The following BRCA1 variants were observed in gnomAD, a reference collection of about 807,000 sequenced individuals.
The protein encoded by BRCA1 is BRCA1 DNA repair associated.
BRCA1 carries 140 observed loss-of-function variants against 173.7 expected under a neutral mutation model. That is an observed-to-expected ratio of 0.81 (90% CI 0.70 to 0.93). The LOEUF (loss-of-function observed/expected upper bound fraction) is 0.93, where lower values mean the gene tolerates loss of function less well. Ranked by LOEUF, BRCA1 falls within the 40% of genes least tolerant of loss-of-function variation. BRCA1 has a pLI of 0.00. For synonymous variants in BRCA1, 662 were observed against 756.0 expected (o/e 0.88, Z 2.04); for missense variants, 1,983 against 2,172.5 (o/e 0.91, Z 1.73).
rs113046417 is a variant in BRCA1 at position 43,115,968 on chromosome 17, T to A, written c.81-189A>T. Among the ~76,000 whole-genome samples the A allele has an allele frequency of 4.6e-3, 708 of 152,308 alleles. 10 individuals are homozygous for A. Among genetic ancestry groups the A allele is most frequent in the African/African-American group, 0.016 (655 of 41,568 alleles). ...ACTGAGAATACAGCAGAGAATACGA[T>A]CCTTACCTTCAGTGAGCTTTCAGAT... is the stretch of plus-strand genomic sequence containing the variant. On this transcript the variant is annotated intron_variant, in intron 2 of 22. Transcript: ENST00000357654.
intron 12 of BRCA1, 46 bp from the exon 13 acceptor site, chr17:43,076,660 G>A (rs2052750385): frequency 6.2e-7 from 1 of 1,601,604 alleles, no homozygotes; most frequent in East Asian, 2.2e-5. Flanking sequence ...GCTTTGTTCT[G>A]ATAGTGATAA....
At chr17:43,126,233 C>G (rs2055869201), upstream of BRCA1, among the ~76,000 whole-genome samples, 1 of 152,222 alleles carries the variant, frequency 6.6e-6, no homozygotes, top group Admixed American at 6.5e-5. Context: ...TCGGGTTCAG[C>G]TTGCTTTTGC....
Position 43,094,152 on chromosome 17 carries a change from A to G in BRCA1, c.1379T>C (p.Ile460Thr), listed in dbSNP as rs398122634. The change falls in exon 10 of 23, where the codon ATA becomes ACA. Residue 460 changes from isoleucine to threonine, a missense_variant. Transcript: ENST00000357654. ...CTTCTTCCGATAGGTTTTCCCAAATATTTTGTCTTCAATATTACTCTCTAC... is the reference window on the plus strand; with the variant it reads ...CTTCTTCCGATAGGTTTTCCCAAATGTTTTGTCTTCAATATTACTCTCTAC... Reference protein sequence around the residue: ...KSVESNIEDKIFGKTYRKKAS... With the variant: ...KSVESNIEDKTFGKTYRKKAS... 6.2e-7 allele frequency: 1 copy of G among 1,613,994 alleles called. No homozygotes were observed.
Position 43,093,050 on chromosome 17 carries a change from T to C in BRCA1, c.2481A>G (p.Glu827=), listed in dbSNP as rs397508970. The change falls in exon 10 of 23, where the codon GAA becomes GAG. Residue 827 remains glutamate (E), a synonymous_variant. Transcript: ENST00000357654. ...CATGTCCCAATGGATACTTAAAGCCTTCTGTGTCATTTCTATTATCTTTGG... is the reference window on the plus strand; with the variant it reads ...CATGTCCCAATGGATACTTAAAGCCCTCTGTGTCATTTCTATTATCTTTGG... The part of the protein sequence containing the change: ...GCSKDNRNDT[E]GFKYPLGHEV... 6.2e-7 allele frequency: 1 copy of C among 1,613,824 alleles called. No homozygotes were observed. Among genetic ancestry groups the C allele is most frequent in the Non-Finnish European group, 8.5e-7 (1 of 1,180,014 alleles).
intron 3 of BRCA1, chr17:43,110,534 C>T: frequency 2.3e-6 from 1 of 442,948 alleles, no homozygotes; most frequent in Non-Finnish European, 4.5e-6. Flanking sequence ...AACAGTAAGC[C>T]TCATGATCGC....
In BRCA1 at chr17:43,095,316, T is replaced by A. The variant is rs138451202; in HGVS notation, c.671-456A>T. On this transcript the variant is annotated intron_variant, in intron 9 of 22. Transcript: ENST00000357654. ...TAAAGGGCAGGCCAGGCACAGTGGC[T>A]CAAGCCTGTAACTGCAGCACTTTGG... Among the ~76,000 whole-genome samples the A allele has an allele frequency of 1.9e-3, 292 of 152,284 alleles. 3 individuals carry two copies. Among genetic ancestry groups the A allele is most frequent in the African/African-American group, 6.4e-3 (265 of 41,546 alleles).
At position 43,099,843 on chromosome 17, in the gene BRCA1, C is replaced by T. The variant is rs1016051167; in HGVS notation, c.479G>A (p.Gly160Glu). The change falls in exon 7 of 23, where the codon GGA (glycine) becomes GAA (glutamate). Residue 160 changes from glycine to glutamate, a missense_variant. Coordinates refer to ENST00000357654, the MANE Select transcript of BRCA1 (RefSeq NM_007294.4). ...TSLSVQLSNL[G>E]TVRTLRTKQR... ...CTTTGTCCTCAGAGTTCTCACAGTTCCAAGGTTAGAGAGTTGGACACTGAG... is the reference window on the plus strand; with the variant it reads ...CTTTGTCCTCAGAGTTCTCACAGTTTCAAGGTTAGAGAGTTGGACACTGAG... 1 of 1,613,746 alleles carries T rather than the reference C, an allele frequency of 6.2e-7. No individual in the cohort carries two copies. Among genetic ancestry groups the T allele is most frequent in the Non-Finnish European group, 8.5e-7 (1 of 1,179,728 alleles).
chr17:43,100,513 T>C (rs994249168), intron 6 of BRCA1, among the ~76,000 whole-genome samples: 2 of 100,706 alleles, frequency 2.0e-5, no homozygotes, highest in African/African-American at 6.7e-5. Context: ...GGCTAATTTG[T>C]GTGTGTGTGT....
In BRCA1 at chr17:43,138,390, C is replaced by A; in HGVS notation, c.-19-14275G>T. Reference sequence around the variant, plus strand: ...GTCCCAGGTGTTTCTCCAATCAACTCAGGGCATGGTTGTGTGTCACCTGCT... The same window carrying A: ...GTCCCAGGTGTTTCTCCAATCAACTAAGGGCATGGTTGTGTGTCACCTGCT... On this transcript the variant is annotated intron_variant, in intron 1 of 7. Transcript: ENST00000634433. 4 of 528,958 alleles carry A rather than the reference C, an allele frequency of 7.6e-6. No homozygotes were observed. The East Asian group carries it at 1.3e-4, about 18-fold the overall frequency. 32.8% of individuals were successfully genotyped at this position (528,958 alleles called of 1,614,324 possible).
intron 16 of BRCA1, 26 bp downstream of exon 16, chr17:43,067,582 G>A (rs2052152396): frequency 3.2e-6 from 5 of 1,560,674 alleles, no homozygotes; most frequent in Non-Finnish European, 4.4e-6. Context: ...CAGATGCAAG[G>A]TATTCTGTAA....
intron 5 of BRCA1, 36 bp from the exon 6 acceptor site, chr17:43,104,297 T>C (rs1256882250): frequency 6.3e-7 from 1 of 1,596,674 alleles, no homozygotes; most frequent in Admixed American, 1.7e-5. Flanking sequence ...TGTTTGCAGT[T>C]AGAGAAAAAT....
At chr17:43,074,294 CAA>C in intron 14 of BRCA1, 35 bp downstream of exon 14, 1 of 1,609,056 alleles carries the variant, frequency 6.2e-7, no homozygotes, top group Non-Finnish European at 8.5e-7. Context: ...AGAGTAAAAT[CAA>C]AGTGTTTGTT....
intron 3 of BRCA1, among the ~76,000 whole-genome samples, chr17:43,107,010 C>T (rs1013075803): frequency 4.0e-5 from 6 of 151,430 alleles, no homozygotes; most frequent in Admixed American, 2.6e-4. Context: ...GAAATAAACT[C>T]ATACATACAT....
chr17:43,147,728 T>TA (rs2056132779), intron 1 of BRCA1, among the ~76,000 whole-genome samples: 1 of 151,946 alleles, frequency 6.6e-6, no homozygotes, highest in Non-Finnish European at 1.5e-5. Context: ...AATAAATAAA[T>TA]AAAAAAGAGA....
At position 43,051,076 on chromosome 17, in the gene BRCA1, G is replaced by C. The variant is rs1555575689; in HGVS notation, c.5319C>G (p.Thr1773=). The change falls in exon 20 of 23, where the codon ACC becomes ACG. Residue 1773 remains threonine, a synonymous_variant. Transcript: ENST00000357654. ...CCAGGCTCTTACCTGTGGGCATGTT[G>C]GTGAAGGGCCCATAGCAACAGATTT... is the stretch of plus-strand genomic sequence containing the variant. ...GLEICCYGPF[T]NMPTDQLEWM... 3.7e-6 allele frequency: 6 copies of C among 1,614,018 alleles called. No individual in the cohort carries two copies. The highest frequency in any genetic ancestry group is 5.1e-6 in the Non-Finnish European group (6 of 1,179,942).
At chr17:43,143,561 T>G (rs2056095136) in intron 1 of BRCA1, among the ~76,000 whole-genome samples, 1 of 152,216 alleles carries the variant, frequency 6.6e-6, no homozygotes, top group Admixed American at 6.5e-5. Context: ...TTAGGTAGAT[T>G]ACCAATTCTT....
chr17:43,143,664 G>T (rs924755923), intron 1 of BRCA1, among the ~76,000 whole-genome samples: 7 of 152,138 alleles, frequency 4.6e-5, no homozygotes, highest in African/African-American at 1.7e-4. Context: ...TGAAGATGGA[G>T]TGGAGGAATC....
chr17:43,169,151 A>G (rs2056295107), intron 1 of BRCA1, among the ~76,000 whole-genome samples: 1 of 151,682 alleles, frequency 6.6e-6, no homozygotes, highest in Non-Finnish European at 1.5e-5. Flanking sequence ...GCAAGGGCCC[A>G]TCTTCTCATA....
upstream of BRCA1, among the ~76,000 whole-genome samples, chr17:43,129,270 T>C (rs1035994073): frequency 6.6e-6 from 1 of 152,204 alleles, no homozygotes; most frequent in Non-Finnish European, 1.5e-5. Flanking sequence ...TGAAAGAATT[T>C]TTTTACATGC....
Sources: allele counts gnomAD v4.1 joint callset (sites outside exome capture counted in the v4.1 genomes callset), GRCh38; gene constraint gnomAD v4.1.1; transcripts MANE v1.5; gene names NCBI Gene and HGNC (gene_info 2026-07-23, HGNC 2026-07-21).